The following LRPPRC variants were observed in gnomAD, a reference collection of about 807,000 sequenced individuals.
The protein encoded by LRPPRC is leucine rich pentatricopeptide repeat containing, also known as leucine-rich PPR motif-containing protein, mitochondrial.
LRPPRC carries 120 observed loss-of-function variants against 180.3 expected under a neutral mutation model. That is an observed-to-expected ratio of 0.67 (90% CI 0.57 to 0.77). The LOEUF (loss-of-function observed/expected upper bound fraction) is 0.77. LRPPRC is among the 30% of genes least tolerant of loss of function. The probability of loss-of-function intolerance (pLI) is 0.00; values close to 1 mark genes in which losing one functional copy is unlikely to be tolerated. For synonymous variants in LRPPRC, 723 were observed against 600.0 expected, an observed-to-expected ratio of 1.21 and a Z score of -3.00; for missense variants, 2,012 against 1,657.2, an observed-to-expected ratio of 1.21 and a Z score of -3.72.
At chr2:43,975,334 T>C in intron 6 of LRPPRC, 117 bp from the exon 7 acceptor site, 1 of 821,970 alleles carries the variant, frequency 1.2e-6, no homozygotes, top group East Asian at 2.8e-5. Flanking sequence ...GGAATTATGA[T>C]GTCAGAAAAG....
intron 11 of LRPPRC, among the ~76,000 whole-genome samples, chr2:43,968,380 A>AT (rs1319822284): frequency 6.6e-6 from 1 of 152,250 alleles, no homozygotes; most frequent in East Asian, 1.9e-4. Context: ...TGCCTATTGA[A>AT]TAGATGGAAG....
chr2:43,979,021 T>G (rs1674182917), intron 3 of LRPPRC, among the ~76,000 whole-genome samples: 1 of 152,122 alleles, frequency 6.6e-6, no homozygotes, highest in African/African-American at 2.4e-5. Flanking sequence ...GTTGTCGGTT[T>G]TAGATTTTTA....
At chr2:43,935,079 T>G (rs1195587479) in intron 23 of LRPPRC, among the ~76,000 whole-genome samples, 5 of 152,154 alleles carry the variant, frequency 3.3e-5, no homozygotes, top group African/African-American at 1.2e-4. Flanking sequence ...ACATACATCA[T>G]CAGCAATCCA....
rs558488469 is a variant in LRPPRC at position 43,898,471 on chromosome 2, G to GT, written c.3825+747dup. 4.3e-3 allele frequency among the ~76,000 whole-genome samples: 651 copies of GT among 152,326 alleles called. 4 individuals carry two copies. The highest frequency in any genetic ancestry group is 6.9e-3 in the Non-Finnish European group (470 of 68,014). On this transcript the variant is annotated intron_variant, in intron 34 of 37. Coordinates refer to ENST00000260665, the MANE Select transcript of LRPPRC (RefSeq NM_133259.4). ...AGCCGTTGGCGGGATCACGGTGACTGTTTGACTGCCACCTGCTGGGAAGGG... is the reference window on the plus strand; with the variant it reads ...AGCCGTTGGCGGGATCACGGTGACTGTTTTGACTGCCACCTGCTGGGAAGGG...
chr2:43,951,932 G>A (rs578060377), intron 14 of LRPPRC, among the ~76,000 whole-genome samples: 2 of 152,242 alleles, frequency 1.3e-5, no homozygotes, highest in South Asian at 2.1e-4. Context: ...GGTGGCTCAC[G>A]CCTGTAATCA....
chr2:43,984,569 C>T (rs1674446081), intron 1 of LRPPRC, among the ~76,000 whole-genome samples: 1 of 152,200 alleles, frequency 6.6e-6, no homozygotes, highest in African/African-American at 2.4e-5. Context: ...GGAAGGATTA[C>T]ATATTTAACC....
At position 43,986,042 on chromosome 2, in the gene LRPPRC, AT is replaced by A. The variant is rs1318990904; in HGVS notation, c.150-3609del. ...GTATCTCATTGTTGTTTTAATTTAT[AT>A]TTCTCTAATGACATAAGCTGTTGAA... is the stretch of plus-strand genomic sequence containing the variant. On this transcript the variant is annotated intron_variant, in intron 1 of 37. Transcript: ENST00000260665. 2.2e-4 allele frequency among the ~76,000 whole-genome samples: 34 copies of A among 152,182 alleles called. No homozygotes were observed. The East Asian group carries it at 2.5e-3, about 11-fold the overall frequency.
Position 43,934,270 on chromosome 2 carries a change from C to T in LRPPRC, c.2656G>A (p.Gly886Ser). 1 of 1,609,484 alleles carries T rather than the reference C, an allele frequency of 6.2e-7. No homozygotes were observed. Among genetic ancestry groups the T allele is most frequent in the Non-Finnish European group, 8.5e-7 (1 of 1,176,522 alleles). Residue 886 changes from glycine (G) to serine (S), a missense_variant, in exon 25 of 38, where the codon GGT (glycine) becomes AGT (serine). By Grantham distance (56) the Gly-to-Ser change is moderately conservative. Transcript: ENST00000260665. ...AGATCATAGAGCATCACCATTTCACCTTGTTCTTGGCTCACAAAGTCCATT... is the reference window on the plus strand; with the variant it reads ...AGATCATAGAGCATCACCATTTCACTTTGTTCTTGGCTCACAAAGTCCATT... Reference protein sequence around the residue: ...KAMDFVSQEQGEMVMLYDLFF... With the variant: ...KAMDFVSQEQSEMVMLYDLFF...
intron 23 of LRPPRC, among the ~76,000 whole-genome samples, chr2:43,938,212 T>A (rs927197940): frequency 5.9e-5 from 9 of 151,686 alleles, no homozygotes; most frequent in African/African-American, 1.9e-4. Context: ...GACACCCCCC[T>A]CAAAATTTCA....
Position 43,977,001 on chromosome 2 carries a change from C to T in LRPPRC, c.643G>A (p.Gly215Ser). Residue 215 changes from glycine (G) to serine (S), a missense_variant, in exon 5 of 38, where the codon GGT becomes AGT. Transcript: ENST00000260665. ...ASYCNVGDIEGASKILGFMKT... is the reference protein window; with the variant it reads ...ASYCNVGDIESASKILGFMKT... ...GTTCATACAGATCCATACCTGGCAC[C>T]TTCAATATCTCCTACATTACAATAA... 1 of 1,612,972 alleles carries T rather than the reference C, an allele frequency of 6.2e-7. No homozygotes were observed. Among genetic ancestry groups the T allele is most frequent in the Non-Finnish European group, 8.5e-7 (1 of 1,179,164 alleles).
intron 25 of LRPPRC, among the ~76,000 whole-genome samples, chr2:43,926,718 C>T (rs998486772): frequency 6.6e-6 from 1 of 152,172 alleles, no homozygotes; most frequent in Non-Finnish European, 1.5e-5. Context: ...CACACATACA[C>T]TTTATTCCAA....
chr2:43,898,071 T>TAAAAAAAAAAAAAAA (rs61550367), intron 34 of LRPPRC, among the ~76,000 whole-genome samples: 2 of 115,952 alleles, frequency 1.7e-5, no homozygotes, highest in Admixed American at 8.7e-5. Context: ...TCCTTAAAAT[T>TAAAAAAAAAAAAAAA]AAAAAAAAAA....
At chr2:43,976,075 G>T in intron 6 of LRPPRC, 68 bp downstream of exon 6, 1 of 897,030 alleles carries the variant, frequency 1.1e-6, no homozygotes, top group Non-Finnish European at 1.9e-6. Flanking sequence ...CAAAAAAGGA[G>T]TAAAATGACC....
At chr2:43,943,972 G>A in intron 22 of LRPPRC, 78 bp from the exon 23 acceptor site, 1 of 1,004,808 alleles carries the variant, frequency 1.0e-6, no homozygotes, top group Middle Eastern at 2.5e-4. Flanking sequence ...AGCATTTCAA[G>A]CCCAGCAGGA....
chr2:43,918,385 G>A lies in LRPPRC; in HGVS notation c.2910C>T (p.Asp970=), dbSNP rs747440128. 2.8e-5 allele frequency: 45 copies of A among 1,609,346 alleles called. 1 individual carries two copies. The South Asian group carries it at 4.1e-4, about 15-fold the overall frequency. Reference sequence around the variant, plus strand: ...TCCAGACTGCATCAGCTCTTTGCCAGTCACCGTTTATTTCTGTAGAATTTG... The same window carrying A: ...TCCAGACTGCATCAGCTCTTTGCCAATCACCGTTTATTTCTGTAGAATTTG... ...NLLKLYKING[D]WQRADAVWNK... is the part of the protein sequence containing the mutation. The change falls in exon 28 of 38, where the codon GAC becomes GAT. Residue 970 remains aspartate (D), a synonymous_variant. Transcript: ENST00000260665.
chr2:43,904,438 A>AT (rs1670992963), intron 31 of LRPPRC: 1 of 151,404 alleles, frequency 6.6e-6, no homozygotes, highest in South Asian at 2.2e-4. Flanking sequence ...CACGCCTGTA[A>AT]TCCCAGCACT....
intron 3 of LRPPRC, among the ~76,000 whole-genome samples, chr2:43,978,711 T>C (rs1674168206): frequency 6.6e-6 from 1 of 152,134 alleles, no homozygotes. Flanking sequence ...GTATTCTAGA[T>C]GTATTCAAAA....
At chr2:43,956,188 A>G (rs1456816197) in intron 14 of LRPPRC, among the ~76,000 whole-genome samples, 2 of 152,182 alleles carry the variant, frequency 1.3e-5, no homozygotes, top group African/African-American at 4.8e-5. Context: ...AAAGCTAAGG[A>G]AATTGTTCTG....
In LRPPRC at chr2:43,899,553, T is replaced by C. The variant is rs777468019; in HGVS notation, c.3622A>G (p.Asn1208Asp). The C allele has an allele frequency of 3.7e-6, 6 of 1,611,084 alleles. No homozygotes were observed. In the South Asian group the frequency reaches 6.6e-5, roughly 18 times the overall value. The change falls in exon 33 of 38, where the codon AAT becomes GAT. Residue 1208 changes from asparagine to aspartate, a missense_variant. Asn to Asp is a conservative substitution (Grantham distance 23). Transcript: ENST00000260665. The stretch of plus-strand genomic sequence containing the variant: ...AAGTATTGGGGTTCAATGACTTTAT[T>C]CTCTGAAGTAAGCATATTTTCAATG... ...ENIENMLTSE[N>D]KVIEPQYFGL...
Sources: gnomAD v4.1 joint callset for allele counts (sites outside exome capture counted in the v4.1 genomes callset) on GRCh38, gnomAD v4.1.1 for gene constraint, MANE v1.5 for transcripts, NCBI Gene and HGNC (gene_info 2026-07-23, HGNC 2026-07-21) for gene names.